SNX29: variants seen among roughly 807,000 people sequenced by gnomAD.
SNX29 encodes sorting nexin 29.
In SNX29, 78 loss-of-function variants were observed where a neutral mutation model predicts 102.1. The ratio of observed to expected loss-of-function variants is 0.76; its 90% CI spans 0.64 to 0.92. The LOEUF (loss-of-function observed/expected upper bound fraction) is 0.92, where lower values mean the gene tolerates loss of function less well. SNX29 is among the 40% of genes least tolerant of loss of function. The probability of loss-of-function intolerance (pLI) is 0.00; values close to 1 mark genes in which losing one functional copy is unlikely to be tolerated. For missense variants in SNX29, 1,280 were observed against 1,061.7 expected (o/e 1.21, Z -2.86); for synonymous variants, 580 against 414.5 (o/e 1.40, Z -4.85).
chr16:12,451,611 C>A (rs1169419287), intron 18 of SNX29, among the ~76,000 whole-genome samples: 3 of 152,198 alleles, frequency 2.0e-5, no homozygotes, highest in Non-Finnish European at 2.9e-5. Context: ...CGCCTGTAAT[C>A]CCAGCACTTT....
chr16:12,545,771 A>C (rs1238104426), intron 20 of SNX29, among the ~76,000 whole-genome samples: 1 of 152,010 alleles, frequency 6.6e-6, no homozygotes, highest in East Asian at 1.9e-4. Context: ...GGCAGCTTTT[A>C]AACAGTACCT....
chr16:12,196,952 G>C (rs555518226), intron 13 of SNX29, among the ~76,000 whole-genome samples: 1 of 152,216 alleles, frequency 6.6e-6, no homozygotes, highest in African/African-American at 2.4e-5. Context: ...TCTTAACACA[G>C]TATTGAAAGA....
At chr16:12,372,975 A>T (rs1472255927) in intron 16 of SNX29, 1 of 152,160 alleles carries the variant, frequency 6.6e-6, no homozygotes, top group Non-Finnish European at 1.5e-5. Context: ...GCAAGCACTG[A>T]TGTAGGTTCT....
rs2079190580 is a variant in SNX29 at position 12,571,669 on chromosome 16, G to C, written c.*3040G>C. 1 of 1,059,436 alleles carries C rather than the reference G, an allele frequency of 9.4e-7. No homozygotes were observed. The highest frequency in any genetic ancestry group is 1.1e-6 in the Non-Finnish European group (1 of 876,106). The allele number at this position is 1,059,436 out of a possible 1,614,324, so 65.6% of individuals were successfully genotyped here. ...AGACGACTCAGGAACGGTAGGGCTG[G>C]GCAGAGGTGTCTCTCCTTGAGAGAC... On this transcript the variant is annotated 3_prime_UTR_variant, in exon 21 of 21. Coordinates refer to ENST00000566228, the MANE Select transcript of SNX29 (RefSeq NM_032167.5).
At chr16:12,446,736 C>T (rs750966627) in intron 18 of SNX29, among the ~76,000 whole-genome samples, 5 of 152,130 alleles carry the variant, frequency 3.3e-5, no homozygotes, top group Non-Finnish European at 5.9e-5. Flanking sequence ...AATGATTTAA[C>T]CTATAGGAAA....
intron 16 of SNX29, among the ~76,000 whole-genome samples, chr16:12,381,646 T>C (rs1202780006): frequency 1.4e-3 from 4 of 2,836 alleles, no homozygotes; most frequent in African/African-American, 1.9e-3. Context: ...TTCATCCACC[T>C]ATCCACCCAC....
intron 13 of SNX29, among the ~76,000 whole-genome samples, chr16:12,170,117 C>A (rs1254119888): frequency 1.3e-5 from 2 of 152,058 alleles, no homozygotes; most frequent in Non-Finnish European, 2.9e-5. Context: ...TCCTCCCTTC[C>A]CCGTTATGAG....
At chr16:12,290,629 G>A (rs570799205) in intron 15 of SNX29, among the ~76,000 whole-genome samples, 62 of 152,178 alleles carry the variant, frequency 4.1e-4, no homozygotes, top group Non-Finnish European at 8.5e-4. Context: ...AGCTGTCTGT[G>A]ACAAAGACTG....
rs184824822 is a variant in SNX29, at chr16:12,571,416, T to G, written c.*2787T>G. ...GGATTGCTTGCACCTCACATCTGTC[T>G]TCTTCTAAGATTACTCGGAGATTTT... On this transcript the variant is annotated 3_prime_UTR_variant, in exon 21 of 21. Transcript: ENST00000566228. The G allele has an allele frequency of 5.6e-5, 13 of 232,008 alleles. No individual in the cohort carries two copies. The highest frequency in any genetic ancestry group is 1.9e-4 in the East Asian group (3 of 15,914). 14.4% of individuals were successfully genotyped at this position (232,008 alleles called of 1,614,324 possible).
At chr16:12,539,139 G>A (rs1597821614) in intron 20 of SNX29, among the ~76,000 whole-genome samples, 1 of 152,112 alleles carries the variant, frequency 6.6e-6, no homozygotes, top group Non-Finnish European at 1.5e-5. Flanking sequence ...AATTTACACA[G>A]TGCAATTGAC....
At chr16:12,542,004 C>T (rs755991187) in intron 20 of SNX29, among the ~76,000 whole-genome samples, 12 of 152,164 alleles carry the variant, frequency 7.9e-5, no homozygotes, top group East Asian at 1.9e-4. Context: ...GAAGGGCTCA[C>T]GTTTGCAGCA....
At chr16:12,543,580 G>T (rs987598467) in intron 20 of SNX29, among the ~76,000 whole-genome samples, 2 of 152,170 alleles carry the variant, frequency 1.3e-5, no homozygotes, top group Admixed American at 1.3e-4. Context: ...CGCTTCCGTG[G>T]TGCGTCCCAG....
intron 20 of SNX29, among the ~76,000 whole-genome samples, chr16:12,562,585 A>G (rs2141493056): frequency 6.6e-6 from 1 of 152,304 alleles, no homozygotes; most frequent in African/African-American, 2.4e-5. Context: ...TTTTACCCAG[A>G]GACGGGGACA....
At chr16:12,192,113 G>C (rs1422767911) in intron 13 of SNX29, among the ~76,000 whole-genome samples, 1 of 152,142 alleles carries the variant, frequency 6.6e-6, no homozygotes, top group Non-Finnish European at 1.5e-5. Flanking sequence ...GGGGTTGCTG[G>C]TTGTTTACTC....
intron 20 of SNX29, among the ~76,000 whole-genome samples, chr16:12,562,961 A>G (rs950162756): frequency 9.2e-5 from 13 of 141,878 alleles, no homozygotes; most frequent in Admixed American, 8.9e-4. Context: ...CATTCACCCA[A>G]CACAAGGGGT....
intron 20 of SNX29, among the ~76,000 whole-genome samples, chr16:12,525,757 C>G (rs946764444): frequency 7.1e-6 from 1 of 140,702 alleles, no homozygotes; most frequent in Non-Finnish European, 1.5e-5. Context: ...ATTAACCCAA[C>G]GGATGCTGCT....
intron 16 of SNX29, among the ~76,000 whole-genome samples, chr16:12,379,217 G>A (rs1358681521): frequency 6.6e-6 from 1 of 152,206 alleles, no homozygotes; most frequent in Non-Finnish European, 1.5e-5. Context: ...AGTCCCTGCA[G>A]CCTCACCCTC....
At chr16:12,538,799 G>A (rs1301144526) in intron 20 of SNX29, among the ~76,000 whole-genome samples, 2 of 152,166 alleles carry the variant, frequency 1.3e-5, no homozygotes, top group Non-Finnish European at 1.5e-5. Flanking sequence ...GGATTACAAG[G>A]CAGAAACCAG....
At chr16:12,435,440 A>G (rs902168693) in intron 18 of SNX29, among the ~76,000 whole-genome samples, 3 of 152,184 alleles carry the variant, frequency 2.0e-5, no homozygotes, top group Non-Finnish European at 4.4e-5. Flanking sequence ...AGGGCACCTA[A>G]GACTCAGGCC....
Sources: allele counts gnomAD v4.1 joint callset (sites outside exome capture counted in the v4.1 genomes callset), GRCh38; gene constraint gnomAD v4.1.1; transcripts MANE v1.5; gene names NCBI Gene and HGNC (gene_info 2026-07-23, HGNC 2026-07-21).